The following XPO4 variants were observed in gnomAD, a reference collection of about 807,000 sequenced individuals.
The protein encoded by XPO4 is exportin 4.
XPO4 carries 39 observed loss-of-function variants against 143.0 expected under a neutral mutation model. That is an observed-to-expected ratio of 0.27 (90% CI 0.21 to 0.36). XPO4 has a LOEUF of 0.36. Among genes scored for constraint, XPO4 ranks in the 10% least tolerant of loss-of-function variants. The pLI is 1.00. For missense variants in XPO4, 907 were observed against 1,348.0 expected, an observed-to-expected ratio of 0.67 and a Z score of 5.12; for synonymous variants, 439 against 474.0, an observed-to-expected ratio of 0.93 and a Z score of 0.96.
intron 18 of XPO4, among the ~76,000 whole-genome samples, chr13:20,791,138 T>C (rs1334304885): frequency 6.6e-6 from 1 of 151,792 alleles, no homozygotes; most frequent in Admixed American, 6.6e-5. Context: ...TTAATGAGAA[T>C]ACTAAGACCT....
At chr13:20,857,858 T>G in intron 3 of XPO4, 1 of 985,398 alleles carries the variant, frequency 1.0e-6, no homozygotes, top group South Asian at 4.7e-5. Context: ...GCCTCTTTCA[T>G]AAAGGACATT....
At chr13:20,822,044 G>C in intron 8 of XPO4, 88 bp downstream of exon 8, 2 of 1,465,066 alleles carry the variant, frequency 1.4e-6, no homozygotes, top group Admixed American at 2.4e-5. Flanking sequence ...ATATAAGGGG[G>C]AAAAAATAAC....
Position 20,875,922 on chromosome 13 carries a change from T to C in XPO4, c.70-7221A>G, listed in dbSNP as rs1446353479. 4.6e-5 allele frequency among the ~76,000 whole-genome samples: 7 copies of C among 151,852 alleles called. No individual in the cohort carries two copies. The South Asian group carries it at 1.5e-3, about 32-fold the overall frequency. On this transcript the variant is annotated intron_variant, in intron 1 of 22. Transcript: ENST00000255305. ...TATATGACAAGATAATCCTAACTCA[T>C]GTAAGGGTAAAGGCACAAAAGGGTC... is the stretch of plus-strand genomic sequence containing the variant.
chr13:20,801,782 A>G (rs1450163516), intron 13 of XPO4, among the ~76,000 whole-genome samples: 1 of 151,928 alleles, frequency 6.6e-6, no homozygotes, highest in Non-Finnish European at 1.5e-5. Context: ...AAAGGATTCT[A>G]ATCACTCAAA....
chr13:20,894,848 GAA>G (rs35478335), intron 1 of XPO4, among the ~76,000 whole-genome samples: 80 of 114,794 alleles, frequency 7.0e-4, no homozygotes, highest in East Asian at 1.1e-3. Flanking sequence ...TCATCTCAAA[GAA>G]AAAAAAAAAA....
At chr13:20,834,046 T>G (rs1323348802) in intron 6 of XPO4, among the ~76,000 whole-genome samples, 1 of 152,176 alleles carries the variant, frequency 6.6e-6, no homozygotes, top group African/African-American at 2.4e-5. Flanking sequence ...AACATGGGGC[T>G]ACAAAGTGCA....
chr13:20,819,435 G>A (rs2059690644), intron 9 of XPO4, among the ~76,000 whole-genome samples: 2 of 152,094 alleles, frequency 1.3e-5, no homozygotes, highest in South Asian at 4.1e-4. Context: ...GCTGGGGTGG[G>A]TGGACTGCGA....
intron 1 of XPO4, among the ~76,000 whole-genome samples, chr13:20,871,595 T>C (rs979179351): frequency 1.8e-4 from 28 of 152,216 alleles, no homozygotes; most frequent in African/African-American, 6.5e-4. Context: ...CTGTATGGCA[T>C]AGAGTAAACG....
chr13:20,849,975 A>G, intron 4 of XPO4: 1 of 541,396 alleles, frequency 1.8e-6, no homozygotes, highest in Non-Finnish European at 2.4e-6. Context: ...GCATAGTGGC[A>G]TGCGCCTGTA....
rs1156756738 is a variant in XPO4 at position 20,779,182 on chromosome 13, G to T, written c.*4540C>A. 6.6e-6 allele frequency: 1 copy of T among 152,508 alleles called. No homozygotes were observed. 9.4% of individuals were successfully genotyped at this position (152,508 alleles called of 1,614,324 possible). On this transcript the variant is annotated 3_prime_UTR_variant, in exon 23 of 23. Coordinates refer to ENST00000255305, the MANE Select transcript of XPO4 (RefSeq NM_022459.5). The stretch of plus-strand genomic sequence containing the variant: ...ATTTAAAAAATTTTACACGTGCTGA[G>T]TGGTAGCAGTGCTAACATTTTTGTG...
Position 20,800,183 on chromosome 13 carries a change from A to G in XPO4, c.2120T>C (p.Leu707Pro), listed in dbSNP as rs746382479. The change falls in exon 15 of 23, where the codon CTT becomes CCT. Residue 707 changes from leucine (L) to proline (P), a missense_variant. By Grantham distance (98) the Leu-to-Pro change is moderately conservative. Transcript: ENST00000255305. ...TTCTCTTCTTTCCACCAAAGTGACA[A>G]GGAGCTGCACAGTGTCATTTGCAAG... is the stretch of plus-strand genomic sequence containing the variant. Reference protein sequence around the residue: ...QDLANDTVQLLVTLVERRERA... With the variant: ...QDLANDTVQLPVTLVERRERA... 6.2e-7 allele frequency: 1 copy of G among 1,614,134 alleles called. No homozygotes were observed. The highest frequency in any genetic ancestry group is 1.1e-5 in the South Asian group (1 of 91,082).
chr13:20,878,628 T>C (rs113320508), intron 1 of XPO4, among the ~76,000 whole-genome samples: 1 of 152,170 alleles, frequency 6.6e-6, no homozygotes, highest in Non-Finnish European at 1.5e-5. Flanking sequence ...TAGTATGTTA[T>C]TTACATTTGC....
At chr13:20,898,783 A>G (rs1351104143) in intron 1 of XPO4, among the ~76,000 whole-genome samples, 1 of 152,014 alleles carries the variant, frequency 6.6e-6, no homozygotes, top group African/African-American at 2.4e-5. Flanking sequence ...TAAGAACACT[A>G]AACTTTTCAA....
intron 22 of XPO4, among the ~76,000 whole-genome samples, chr13:20,786,110 T>C (rs1459161393): frequency 6.6e-6 from 1 of 151,788 alleles, no homozygotes; most frequent in Non-Finnish European, 1.5e-5. Flanking sequence ...CTGCAGGAAG[T>C]GGCAGCCTAG....
chr13:20,839,085 G>A (rs907788284), intron 6 of XPO4, among the ~76,000 whole-genome samples: 5 of 151,940 alleles, frequency 3.3e-5, no homozygotes, highest in Non-Finnish European at 4.4e-5. Context: ...GCAACATGGC[G>A]AAACTCCATC....
At chr13:20,902,132 A>T (rs2138199237) in intron 1 of XPO4, 1 of 985,354 alleles carries the variant, frequency 1.0e-6, no homozygotes, top group Non-Finnish European at 1.2e-6. Flanking sequence ...CCCTCCCTCC[A>T]GCCGGCCCGG....
At chr13:20,787,391 A>T in intron 21 of XPO4, 90 bp downstream of exon 21, 2 of 1,239,422 alleles carry the variant, frequency 1.6e-6, no homozygotes, top group Admixed American at 3.6e-5. Context: ...GAAAGAATGG[A>T]AGCATTTCCT....
At position 20,830,872 on chromosome 13, in the gene XPO4, GT is replaced by G. The variant is rs2059844484; in HGVS notation, c.728-3694del. On this transcript the variant is annotated intron_variant, in intron 6 of 22. Transcript: ENST00000255305. ...AATGTTTAATATTACCTAAAATATT[GT>G]TATTATTCACGTACATGCATTACTT... is the stretch of plus-strand genomic sequence containing the variant. 2.0e-5 allele frequency among the ~76,000 whole-genome samples: 3 copies of G among 152,002 alleles called. No individual in the cohort carries two copies. The South Asian group carries it at 6.2e-4, about 31-fold the overall frequency.
chr13:20,833,879 G>A (rs1353983541), intron 6 of XPO4, among the ~76,000 whole-genome samples: 3 of 152,140 alleles, frequency 2.0e-5, no homozygotes, highest in Admixed American at 6.6e-5. Context: ...AGCTATGAGA[G>A]GGAGGTGGTG....
Sources: allele counts gnomAD v4.1 joint callset (sites outside exome capture counted in the v4.1 genomes callset), GRCh38; gene constraint gnomAD v4.1.1; transcripts MANE v1.5; gene names NCBI Gene and HGNC (gene_info 2026-07-23, HGNC 2026-07-21).